Variants in WDR7 observed in about 807,000 individuals in gnomAD.
WDR7 encodes WD repeat domain 7.
In WDR7, 46 loss-of-function variants were observed where a neutral mutation model predicts 169.4. The observed-to-expected ratio is 0.27, with a 90% confidence interval of 0.21 to 0.35. The LOEUF (loss-of-function observed/expected upper bound fraction) is 0.35, where lower values mean the gene tolerates loss of function less well. WDR7 is among the 10% of genes least tolerant of loss of function. The probability of loss-of-function intolerance (pLI) is 1.00; values close to 1 mark genes in which losing one functional copy is unlikely to be tolerated. For missense variants in WDR7, 1,534 were observed against 1,859.3 expected (o/e 0.83, Z 3.22); for synonymous variants, 612 against 666.8 (o/e 0.92, Z 1.27).
intron 19 of WDR7, among the ~76,000 whole-genome samples, chr18:56,799,125 A>G (rs75949201): frequency 6.6e-6 from 1 of 152,296 alleles, no homozygotes; most frequent in African/African-American, 2.4e-5. Flanking sequence ...GTGCAGTAAG[A>G]ACTATTATAG....
At chr18:56,723,684 T>A (rs2026373544) in intron 13 of WDR7, among the ~76,000 whole-genome samples, 1 of 152,136 alleles carries the variant, frequency 6.6e-6, no homozygotes, top group South Asian at 2.1e-4. Context: ...TATTTCTTGT[T>A]CTTGGGGTTT....
intron 13 of WDR7, among the ~76,000 whole-genome samples, chr18:56,729,991 C>T (rs1219857575): frequency 1.3e-5 from 2 of 152,012 alleles, no homozygotes; most frequent in Admixed American, 6.6e-5. Context: ...AATTTCTTTT[C>T]TTGATTGTTC....
rs1296820827 is a variant in WDR7, at chr18:56,738,162, GT to G, written c.1989+6568del. On this transcript the variant is annotated intron_variant, in intron 14 of 27. Transcript: ENST00000254442. Reference sequence around the variant, plus strand: ...ATTTTCTCAGTCAAATAAAGGAAACGTTTGTCCCCTTCCATTCTGGAGAGAT... The same window carrying G: ...ATTTTCTCAGTCAAATAAAGGAAACGTTGTCCCCTTCCATTCTGGAGAGAT... Among the ~76,000 whole-genome samples the G allele has an allele frequency of 1.2e-4, 18 of 152,282 alleles. No homozygotes were observed. In the East Asian group the frequency reaches 3.3e-3, roughly 28 times the overall value.
chr18:56,810,616 G>A (rs1405153474), intron 19 of WDR7, among the ~76,000 whole-genome samples: 1 of 151,882 alleles, frequency 6.6e-6, no homozygotes, highest in Non-Finnish European at 1.5e-5. Context: ...TATTTGTGGC[G>A]AATTTTGCTT....
intron 14 of WDR7, among the ~76,000 whole-genome samples, chr18:56,752,167 GT>G (rs2043804191): frequency 2.0e-5 from 3 of 152,172 alleles, no homozygotes; most frequent in Admixed American, 2.0e-4. Context: ...CCAGGAAGCT[GT>G]ATTTAACAAG....
chr18:56,774,659 G>C (rs1430787981), intron 16 of WDR7, among the ~76,000 whole-genome samples: 1 of 152,016 alleles, frequency 6.6e-6, no homozygotes, highest in Non-Finnish European at 1.5e-5. Flanking sequence ...TCTGCTAATT[G>C]CTGATTTTTC....
intron 20 of WDR7, among the ~76,000 whole-genome samples, chr18:56,834,488 A>C (rs1266875250): frequency 6.6e-6 from 1 of 151,648 alleles, no homozygotes; most frequent in African/African-American, 2.4e-5. Flanking sequence ...GTGATAGAGC[A>C]AGAGATCTCC....
intron 19 of WDR7, among the ~76,000 whole-genome samples, chr18:56,813,264 G>A (rs1345568118): frequency 6.6e-6 from 1 of 151,916 alleles, no homozygotes; most frequent in East Asian, 1.9e-4. Flanking sequence ...GTATGTGTGT[G>A]TATTTTCTTG....
intron 1 of WDR7, among the ~76,000 whole-genome samples, chr18:56,658,594 C>T (rs2024830490): frequency 6.6e-6 from 1 of 152,158 alleles, no homozygotes; most frequent in Non-Finnish European, 1.5e-5. Context: ...AAGTTTATTT[C>T]ACATTTAAGC....
At chr18:56,825,964 A>G (rs2045195167) in intron 20 of WDR7, among the ~76,000 whole-genome samples, 1 of 142,548 alleles carries the variant, frequency 7.0e-6, no homozygotes, top group Non-Finnish European at 1.6e-5. Flanking sequence ...GTTTCGCATT[A>G]ACTATTATAT....
intron 1 of WDR7, among the ~76,000 whole-genome samples, chr18:56,670,203 A>G (rs1368124177): frequency 2.0e-5 from 3 of 152,122 alleles, no homozygotes; most frequent in African/African-American, 2.4e-5. Flanking sequence ...ATTGTCATAT[A>G]CTATTCTATC....
chr18:56,748,711 A>G (rs2043742033), intron 14 of WDR7, among the ~76,000 whole-genome samples: 1 of 152,288 alleles, frequency 6.6e-6, no homozygotes, highest in South Asian at 2.1e-4. Context: ...TGTCATTCAC[A>G]CCTACCCATG....
chr18:57,014,202 TGTAATCCCAGCTACTC>T (rs1390483568), intron 26 of WDR7, among the ~76,000 whole-genome samples: 1 of 151,728 alleles, frequency 6.6e-6, no homozygotes, highest in Non-Finnish European at 1.5e-5. Flanking sequence ...GGCATGCACC[TGTAATCCCAGCTACTC>T]GGGAGGCTGA....
chr18:56,700,721 T>C (rs1017214518), intron 12 of WDR7, among the ~76,000 whole-genome samples: 9 of 148,836 alleles, frequency 6.0e-5, no homozygotes, highest in Non-Finnish European at 1.2e-4. Flanking sequence ...AGGCGCCCGC[T>C]ACCACGCCCG....
Position 56,853,301 on chromosome 18 carries a change from T to C in WDR7, c.3305-26643T>C, listed in dbSNP as rs868499673. 3.3e-5 allele frequency among the ~76,000 whole-genome samples: 5 copies of C among 151,872 alleles called. No homozygotes were observed. The Middle Eastern group carries it at 0.014, about 413-fold the overall frequency. On this transcript the variant is annotated intron_variant, in intron 20 of 27. Coordinates refer to ENST00000254442, the MANE Select transcript of WDR7 (RefSeq NM_015285.3). ...GGGAAAATTGTGCGATTTTGTGTCC[T>C]AGTGTTTTATTCCCTCACTTAGTCG...
At position 56,833,283 on chromosome 18, in the gene WDR7, TA is replaced by T. The variant is rs2045345204; in HGVS notation, c.3304+17140del. On this transcript the variant is annotated intron_variant, in intron 20 of 27. Coordinates refer to ENST00000254442, the MANE Select transcript of WDR7 (RefSeq NM_015285.3). ...ATGAAATAAATTGTGAAGGCAAGAT[TA>T]GAGAAAAAGGAATGAAAAGGAATGA... Among the ~76,000 whole-genome samples the T allele has an allele frequency of 2.6e-5, 4 of 151,762 alleles. No homozygotes were observed. The South Asian group carries it at 8.3e-4, about 32-fold the overall frequency.
At chr18:56,745,598 G>A (rs140724611) in intron 14 of WDR7, among the ~76,000 whole-genome samples, 2,563 of 152,252 alleles carry the variant, frequency 0.017, 43 homozygotes, top group Non-Finnish European at 0.022. Context: ...TGGAGCTCAG[G>A]TGGTAATGCT....
chr18:57,015,440 G>A (rs1035058258), intron 26 of WDR7, among the ~76,000 whole-genome samples: 1 of 152,196 alleles, frequency 6.6e-6, no homozygotes, highest in Admixed American at 6.5e-5. Context: ...GAGAAAAGAA[G>A]GGGGATTTTT....
chr18:56,734,064 C>T (rs1238252470), intron 14 of WDR7, among the ~76,000 whole-genome samples: 1 of 152,092 alleles, frequency 6.6e-6, no homozygotes, highest in East Asian at 1.9e-4. Flanking sequence ...AGCCTCAAGG[C>T]TGTGTTCATG....
Sources: gnomAD v4.1 joint callset for allele counts (sites outside exome capture counted in the v4.1 genomes callset) on GRCh38, gnomAD v4.1.1 for gene constraint, MANE v1.5 for transcripts, NCBI Gene and HGNC (gene_info 2026-07-23, HGNC 2026-07-21) for gene names.